The following ZNF184 variants were observed in gnomAD, a reference collection of about 807,000 sequenced individuals.
The protein encoded by ZNF184 is zinc finger protein 184 (Kruppel-like).
Under a neutral mutation model 54.4 loss-of-function variants are expected in ZNF184, and 16 were observed. The ratio of observed to expected loss-of-function variants is 0.29; its 90% CI spans 0.20 to 0.45. ZNF184 has a LOEUF of 0.45. Ranked by LOEUF, ZNF184 falls within the 20% of genes least tolerant of loss-of-function variation. The probability of loss-of-function intolerance (pLI) is 1.00; values close to 1 mark genes in which losing one functional copy is unlikely to be tolerated. For synonymous variants in ZNF184, 254 were observed against 295.3 expected, an observed-to-expected ratio of 0.86 and a Z score of 1.43; for missense variants, 681 against 888.2, an observed-to-expected ratio of 0.77 and a Z score of 2.97.
At chr6:27,448,489 CTTG>C (rs1762663146), downstream of ZNF184, among the ~76,000 whole-genome samples, 1 of 152,192 alleles carries the variant, frequency 6.6e-6, no homozygotes. Context: ...TCTCCAATGA[CTTG>C]CCATCTCATT....
chr6:27,450,412 TTAG>T (rs58145923), downstream of ZNF184, among the ~76,000 whole-genome samples: 70,736 of 151,380 alleles, frequency 0.47, 16,748 homozygotes, highest in South Asian at 0.56. Flanking sequence ...ACCAATGGGA[TTAG>T]TAGTCTTATA....
rs1443917464 is a variant in ZNF184 at position 27,452,905 on chromosome 6, T to C, written c.654A>G (p.Lys218=). The C allele has an allele frequency of 1.9e-6, 3 of 1,614,068 alleles. No homozygotes were observed. Among genetic ancestry groups the C allele is most frequent in the East Asian group, 2.2e-5 (1 of 44,890 alleles). Residue 218 remains lysine (K), a synonymous_variant, in exon 6 of 6, where the codon AAA becomes AAG. Transcript: ENST00000683788. The surrounding 1 kb of genome is among the most constrained non-coding windows in gnomAD (Gnocchi z 5.5). ...ATTCATTGCACTTACAAGATTTCTC[T>C]TTTTTAACTGGGTTTGAATTCTGTT... ...SIKQNSNPVK[K]EKSCKCNECG...
the ZNF184 span, among the ~76,000 whole-genome samples, chr6:27,419,985 A>C: frequency 6.6e-6 from 1 of 152,200 alleles, no homozygotes; most frequent in Non-Finnish European, 1.5e-5. The surrounding 1 kb of genome is among the most constrained non-coding windows in gnomAD (Gnocchi z 4.8). Flanking sequence ...TCCCGAAGCC[A>C]CTATTCCCTT....
At chr6:27,465,484 C>CAAAAAAAA (rs60538455) in intron 3 of ZNF184, among the ~76,000 whole-genome samples, 133 of 35,104 alleles carry the variant, frequency 3.8e-3, no homozygotes, top group Middle Eastern at 0.05. Flanking sequence ...GACTCCATCT[C>CAAAAAAAA]AAAAAAAAAA....
chr6:27,431,310 G>T, the ZNF184 span, among the ~76,000 whole-genome samples: 1 of 152,138 alleles, frequency 6.6e-6, no homozygotes, highest in Non-Finnish European at 1.5e-5. Flanking sequence ...TTCAAGACAG[G>T]ATCTAGATAC....
the ZNF184 span, among the ~76,000 whole-genome samples, chr6:27,419,903 C>T: frequency 4.5e-4 from 68 of 152,254 alleles, no homozygotes; most frequent in Admixed American, 1.5e-3. The surrounding 1 kb of genome is among the most constrained non-coding windows in gnomAD (Gnocchi z 4.8). Context: ...AAACTGAGTC[C>T]GATTGTGTCA....
At chr6:27,450,638 C>T (rs1762691425), downstream of ZNF184, 1 of 151,760 alleles carries the variant, frequency 6.6e-6, no homozygotes, top group African/African-American at 2.4e-5. Flanking sequence ...CAAATTAAGA[C>T]ACCAGGTGAC....
chr6:27,453,051 T>C lies in ZNF184; in HGVS notation c.508A>G (p.Thr170Ala). 6.2e-7 allele frequency: 1 copy of C among 1,614,094 alleles called. No individual in the cohort carries two copies. The highest frequency in any genetic ancestry group is 8.5e-7 in the Non-Finnish European group (1 of 1,180,000). Residue 170 changes from threonine (T) to alanine (A), a missense_variant, in exon 6 of 6, where the codon ACA becomes GCA. Physicochemically the swap from Thr to Ala is moderately conservative, Grantham distance 58. Coordinates refer to ENST00000683788, the MANE Select transcript of ZNF184 (RefSeq NM_001318891.2). The surrounding 1 kb of genome is among the most constrained non-coding windows in gnomAD (Gnocchi z 4.7). The stretch of plus-strand genomic sequence containing the variant: ...GGGCCTTTTTCCCAACTGGGTATTG[T>C]CTTTTCGGTTACCTTTATTTCCTTT... ...LPKEIKVTEK[T>A]IPSWEKGPVN...
intron 3 of ZNF184, among the ~76,000 whole-genome samples, chr6:27,463,998 T>C (rs190959132): frequency 2.5e-3 from 377 of 152,052 alleles, no homozygotes; most frequent in Non-Finnish European, 4.0e-3. Flanking sequence ...TTGGACCAGA[T>C]GATTCTCTTA....
At chr6:27,468,786 T>C (rs551188396) in intron 2 of ZNF184, among the ~76,000 whole-genome samples, 1 of 152,370 alleles carries the variant, frequency 6.6e-6, no homozygotes, top group East Asian at 1.9e-4. Context: ...TGTATGACTA[T>C]ATTTATATTA....
chr6:27,456,663 A>G (rs1762861389), intron 5 of ZNF184, among the ~76,000 whole-genome samples, 163 bp downstream of exon 5: 2 of 152,216 alleles, frequency 1.3e-5, no homozygotes, highest in Admixed American at 6.5e-5. Context: ...AATTAGTGAC[A>G]TAACAAAGCA....
At chr6:27,412,293 A>G in the ZNF184 span, among the ~76,000 whole-genome samples, 6 of 152,214 alleles carry the variant, frequency 3.9e-5, no homozygotes, top group African/African-American at 1.4e-4. Context: ...AGCGAGGTGA[A>G]GCAAATGCTC....
the ZNF184 span, among the ~76,000 whole-genome samples, chr6:27,420,454 C>A: frequency 6.6e-6 from 1 of 152,182 alleles, no homozygotes; most frequent in East Asian, 1.9e-4. Flanking sequence ...CTCCTTAATC[C>A]CTCCTCTCCC....
chr6:27,454,442 AAC>A (rs909865752), intron 5 of ZNF184, among the ~76,000 whole-genome samples: 2 of 152,224 alleles, frequency 1.3e-5, no homozygotes, highest in African/African-American at 4.8e-5. Flanking sequence ...AGGGTTTGGA[AAC>A]AGCCGATTGT....
downstream of ZNF184, among the ~76,000 whole-genome samples, chr6:27,447,120 G>C (rs1268212566): frequency 6.6e-6 from 1 of 151,260 alleles, no homozygotes; most frequent in African/African-American, 2.4e-5. Flanking sequence ...TTGGGTTTTG[G>C]AAAATAGGTA....
At chr6:27,414,132 T>A in the ZNF184 span, among the ~76,000 whole-genome samples, 2 of 152,298 alleles carry the variant, frequency 1.3e-5, no homozygotes, top group African/African-American at 2.4e-5. Flanking sequence ...CATCAGCAAA[T>A]CCTGTTGGCT....
chr6:27,404,475 G>C, the ZNF184 span: 15 of 152,178 alleles, frequency 9.9e-5, 1 homozygote, highest in Non-Finnish European at 2.2e-4. Flanking sequence ...CAGGAGCAGG[G>C]GGGAGAGTAT....
At chr6:27,442,986 T>A in the ZNF184 span, among the ~76,000 whole-genome samples, 1 of 152,156 alleles carries the variant, frequency 6.6e-6, no homozygotes, top group Non-Finnish European at 1.5e-5. Context: ...CTCTTTACTG[T>A]AACATTTCAG....
intron 5 of ZNF184, among the ~76,000 whole-genome samples, chr6:27,454,959 T>A (rs1017464254): frequency 1.3e-5 from 2 of 152,052 alleles, no homozygotes; most frequent in African/African-American, 4.8e-5. Context: ...TAGATCATGA[T>A]CCTGAGGGTC....
Sources: allele counts gnomAD v4.1 joint callset (sites outside exome capture counted in the v4.1 genomes callset), GRCh38; gene constraint gnomAD v4.1.1; non-coding constraint Gnocchi (gnomAD v3.1); transcripts MANE v1.5; gene names NCBI Gene and HGNC (gene_info 2026-07-23, HGNC 2026-07-21).